The following PACS2 variants were observed in gnomAD, a reference collection of about 807,000 sequenced individuals.
The protein encoded by PACS2 is phosphofurin acidic cluster sorting protein 2.
PACS2 carries 36 observed loss-of-function variants against 113.0 expected under a neutral mutation model. That is an observed-to-expected ratio of 0.32 (90% CI 0.24 to 0.42). The LOEUF is 0.42. PACS2 is among the 10% of genes least tolerant of loss of function. The pLI is 1.00. For missense variants in PACS2, 1,015 were observed against 1,239.5 expected, an observed-to-expected ratio of 0.82 and a Z score of 2.72; for synonymous variants, 589 against 536.1, an observed-to-expected ratio of 1.10 and a Z score of -1.36.
At chr14:105,362,167 C>T (rs1274986431) in intron 4 of PACS2, among the ~76,000 whole-genome samples, 1 of 151,864 alleles carries the variant, frequency 6.6e-6, no homozygotes, top group Non-Finnish European at 1.5e-5. Flanking sequence ...GCCTGTCATC[C>T]CAGCACTTTG....
chr14:105,379,970 T>A (rs918208415), intron 10 of PACS2, 110 bp from the exon 11 acceptor site: 12 of 1,308,332 alleles, frequency 9.2e-6, no homozygotes, highest in African/African-American at 4.4e-5. Flanking sequence ...TCCAGCACAC[T>A]GCCACGCAGG....
Position 105,314,973 on chromosome 14 carries a change from C to A in PACS2, c.55C>A (p.Pro19Thr). Residue 19 changes from proline to threonine, a missense_variant, in exon 1 of 25, where the codon CCC becomes ACC. Physicochemically the swap from Pro to Thr is conservative, Grantham distance 38. This residue lies in a region of PACS2 where 140 missense variants were observed against 135.1 expected (regional missense o/e 1.04). Coordinates refer to ENST00000447393, the MANE Select transcript of PACS2 (RefSeq NM_001100913.3). ...LPGAPGALNT[P>T]VPMNLFATWE... Reference sequence around the variant, plus strand: ...CGGCGCGCCCGGCGCGCTCAACACGCCCGTGCCCATGAACCTGTTCGCCAC... The same window carrying A: ...CGGCGCGCCCGGCGCGCTCAACACGACCGTGCCCATGAACCTGTTCGCCAC... 1 of 1,241,604 alleles carries A rather than the reference C, an allele frequency of 8.1e-7. No homozygotes were observed. The allele number at this position is 1,241,604 out of a possible 1,614,324, so 76.9% of individuals were successfully genotyped here. A position where few individuals can be genotyped will look rare whatever the true frequency, so the allele number is the denominator to read the frequency against.
At position 105,323,768 on chromosome 14, in the gene PACS2, G is replaced by A. The variant is rs2058985380; in HGVS notation, c.119+8731G>A. Among the ~76,000 whole-genome samples, 1 of 152,212 alleles carries A rather than the reference G, an allele frequency of 6.6e-6. No individual in the cohort carries two copies. The highest frequency in any genetic ancestry group is 6.5e-5 in the Admixed American group (1 of 15,284). On this transcript the variant is annotated intron_variant, in intron 1 of 24. Transcript: ENST00000447393. The surrounding 1 kb of genome is among the most constrained non-coding windows in gnomAD (Gnocchi z 4.1). ...TGATCCAGGGAAGATGGGCTGCTCT[G>A]AGGGAGGGGCTGAGGAAGCTGACCT...
Position 105,398,115 on chromosome 14 carries a change from T to G in PACS2, c.*3443T>G, listed in dbSNP as rs1471763547. The G allele has an allele frequency of 6.6e-6, 1 of 152,212 alleles. No individual in the cohort carries two copies. The highest frequency in any genetic ancestry group is 1.5e-5 in the Non-Finnish European group (1 of 68,014). The allele number at this position is 152,212 out of a possible 1,614,324, so 9.4% of individuals were successfully genotyped here. A position where few individuals can be genotyped will look rare whatever the true frequency, so the allele number is the denominator to read the frequency against. On this transcript the variant is annotated 3_prime_UTR_variant, in exon 25 of 25. Coordinates refer to ENST00000447393, the MANE Select transcript of PACS2 (RefSeq NM_001100913.3). Reference sequence around the variant, plus strand: ...GACCGTGTGGACTATTTCAAGGTGCTGATGCAACACTAATAAACCTGGAGG... The same window carrying G: ...GACCGTGTGGACTATTTCAAGGTGCGGATGCAACACTAATAAACCTGGAGG...
At chr14:105,325,414 C>T (rs2140873973) in intron 1 of PACS2, among the ~76,000 whole-genome samples, 1 of 152,292 alleles carries the variant, frequency 6.6e-6, no homozygotes, top group South Asian at 2.1e-4. Flanking sequence ...ACATCCTGGG[C>T]CTTGCTTGGC....
rs1263738653 is a variant in PACS2 at position 105,380,495 on chromosome 14, A to T, written c.1125+341A>T. On this transcript the variant is annotated intron_variant, in intron 11 of 24. Transcript: ENST00000447393. Reference sequence around the variant, plus strand: ...CCACCCTCAGGGTCAGGGCAGCTGGACTCACCCCACCCTCAGGGTCAGGGC... The same window carrying T: ...CCACCCTCAGGGTCAGGGCAGCTGGTCTCACCCCACCCTCAGGGTCAGGGC... Among the ~76,000 whole-genome samples, 7 of 124,326 alleles carry T rather than the reference A, an allele frequency of 5.6e-5. No homozygotes were observed. The Admixed American group carries it at 5.8e-4, about 10-fold the overall frequency. The allele number at this position is 124,326 out of a possible 152,430, so 81.6% of individuals were successfully genotyped here. A position where few individuals can be genotyped will look rare whatever the true frequency, so the allele number is the denominator to read the frequency against.
Position 105,376,272 on chromosome 14 carries a change from C to T in PACS2, c.802-496C>T, listed in dbSNP as rs868908123. On this transcript the variant is annotated intron_variant, in intron 8 of 24. Coordinates refer to ENST00000447393, the MANE Select transcript of PACS2 (RefSeq NM_001100913.3). This position sits in a 1 kb window ranked among gnomAD's most constrained non-coding sequence, Gnocchi z 4.7. ...GCTGGGTGGATGACGCCCTCCTCCC[C>T]CCGCCACCGAGAGCTGCAGGCCACA... 6.8e-6 allele frequency among the ~76,000 whole-genome samples: 1 copy of T among 147,696 alleles called. No individual in the cohort carries two copies. Among genetic ancestry groups the T allele is most frequent in the African/African-American group, 2.5e-5 (1 of 39,652 alleles).
chr14:105,376,260 C>T lies in PACS2; in HGVS notation c.802-508C>T, dbSNP rs4073352. On this transcript the variant is annotated intron_variant, in intron 8 of 24. Transcript: ENST00000447393. The surrounding 1 kb of genome is among the most constrained non-coding windows in gnomAD (Gnocchi z 4.7). The stretch of plus-strand genomic sequence containing the variant: ...GAAGTGTGCCACGCTGGGTGGATGA[C>T]GCCCTCCTCCCCCCGCCACCGAGAG... Among the ~76,000 whole-genome samples the T allele has an allele frequency of 0.052, 7,373 of 141,890 alleles. 616 individuals are homozygous for T. The highest frequency in any genetic ancestry group is 0.18 in the African/African-American group (7,027 of 38,406). The allele number at this position is 141,890 out of a possible 152,430, so 93.1% of individuals were successfully genotyped here. A position where few individuals can be genotyped will look rare whatever the true frequency, so the allele number is the denominator to read the frequency against.
Position 105,393,243 on chromosome 14 carries a change from C to T in PACS2, c.2504C>T (p.Ala835Val), listed in dbSNP as rs587742490. 8.7e-6 allele frequency: 14 copies of T among 1,612,626 alleles called. No individual in the cohort carries two copies. Among genetic ancestry groups the T allele is most frequent in the East Asian group, 2.2e-5 (1 of 44,882 alleles). Residue 835 changes from alanine (A) to valine (V), a missense_variant, in exon 24 of 25, where the codon GCG becomes GTG. Ala to Val is a moderately conservative substitution (Grantham distance 64). Coordinates refer to ENST00000447393, the MANE Select transcript of PACS2 (RefSeq NM_001100913.3). ...CCAGTGATGTTTCTGCCCAAGAAAGCGAAGGACAAGGACGTGGAGTCTAAG... is the reference window on the plus strand; with the variant it reads ...CCAGTGATGTTTCTGCCCAAGAAAGTGAAGGACAAGGACGTGGAGTCTAAG... Reference protein sequence around the residue: ...NKKVMFLPKKAKDKDVESKSQ... With the variant: ...NKKVMFLPKKVKDKDVESKSQ...
chr14:105,344,970 G>A (rs1400694719), intron 1 of PACS2, among the ~76,000 whole-genome samples: 1 of 152,084 alleles, frequency 6.6e-6, no homozygotes, highest in East Asian at 1.9e-4. Flanking sequence ...TTAGCTGGGC[G>A]TGGTAGTGCA....
At position 105,314,902 on chromosome 14, in the gene PACS2, G is replaced by A; in HGVS notation, c.-17G>A. 2.0e-6 allele frequency: 2 copies of A among 985,258 alleles called. No individual in the cohort carries two copies. Among genetic ancestry groups the A allele is most frequent in the Non-Finnish European group, 2.4e-6 (2 of 831,120 alleles). 61.0% of individuals were successfully genotyped at this position (985,258 alleles called of 1,614,324 possible). On this transcript the variant is annotated 5_prime_UTR_variant, in exon 1 of 25. Transcript: ENST00000447393. ...GCCGCAGCCCCAGGCCGCCGAGGGAGCGGCGGGGCCGGCGCCATGGCCGAG... is the reference window on the plus strand; with the variant it reads ...GCCGCAGCCCCAGGCCGCCGAGGGAACGGCGGGGCCGGCGCCATGGCCGAG...
intron 1 of PACS2, among the ~76,000 whole-genome samples, chr14:105,322,916 T>G (rs1378331022): frequency 6.6e-6 from 1 of 152,256 alleles, no homozygotes; most frequent in Non-Finnish European, 1.5e-5. Context: ...TGTTTTAGTT[T>G]ACCCTCACCC....
chr14:105,320,721 T>G (rs1387992539), intron 1 of PACS2, among the ~76,000 whole-genome samples: 2 of 152,234 alleles, frequency 1.3e-5, no homozygotes, highest in Non-Finnish European at 2.9e-5. Context: ...TCCTTTCTTC[T>G]GTAGTCCTTA....
chr14:105,318,760 A>G lies in PACS2; in HGVS notation c.119+3723A>G, dbSNP rs1377330751. Among the ~76,000 whole-genome samples the G allele has an allele frequency of 4.8e-5, 7 of 145,614 alleles. No homozygotes were observed. The East Asian group carries it at 1.0e-3, about 21-fold the overall frequency. ...TGCAAGCTCCGCCTCCTGGGTTCAC[A>G]CCATTCTCCTGCCTCAGCCTCCCGA... On this transcript the variant is annotated intron_variant, in intron 1 of 24. Transcript: ENST00000447393.
rs1370749317 is a variant in PACS2 at position 105,384,171 on chromosome 14, G to A, written c.1781-182G>A. 7 of 577,374 alleles carry A rather than the reference G, an allele frequency of 1.2e-5. No homozygotes were observed. In the Admixed American group the frequency reaches 2.1e-4, roughly 18 times the overall value. The allele number at this position is 577,374 out of a possible 1,614,324, so 35.8% of individuals were successfully genotyped here. On this transcript the variant is annotated intron_variant, in intron 16 of 24. Coordinates refer to ENST00000447393, the MANE Select transcript of PACS2 (RefSeq NM_001100913.3). ...GCTCAGGGCTGGAGCTCCTTCAGCG[G>A]GGCCACAGGCATCCACCAGGGAGGG...
At position 105,395,363 on chromosome 14, in the gene PACS2, C is replaced by G. The variant is rs1334242971; in HGVS notation, c.*691C>G. ...GCCTCACACCTTCCCCACTCTCAGGCTGTTCTTGAAACACCATGAGGCTTC... is the reference window on the plus strand; with the variant it reads ...GCCTCACACCTTCCCCACTCTCAGGGTGTTCTTGAAACACCATGAGGCTTC... On this transcript the variant is annotated 3_prime_UTR_variant, in exon 25 of 25. Coordinates refer to ENST00000447393, the MANE Select transcript of PACS2 (RefSeq NM_001100913.3). 6.6e-6 allele frequency: 1 copy of G among 151,820 alleles called. No individual in the cohort carries two copies. Among genetic ancestry groups the G allele is most frequent in the Non-Finnish European group, 1.5e-5 (1 of 68,038 alleles). The allele number at this position is 151,820 out of a possible 1,614,324, so 9.4% of individuals were successfully genotyped here. A position where few individuals can be genotyped will look rare whatever the true frequency, so the allele number is the denominator to read the frequency against.
At chr14:105,362,222 T>G (rs181538937) in intron 4 of PACS2, among the ~76,000 whole-genome samples, 9 of 150,174 alleles carry the variant, frequency 6.0e-5, no homozygotes, top group Admixed American at 1.3e-4. Context: ...ATCAAGACCA[T>G]CCTGGCTAAC....
intron 4 of PACS2, among the ~76,000 whole-genome samples, chr14:105,362,436 GAAA>G (rs1158824274): frequency 6.8e-6 from 1 of 146,182 alleles, no homozygotes; most frequent in East Asian, 2.0e-4. Context: ...AAAAAGAAAA[GAAA>G]AAAAAAGAAT....
At chr14:105,377,585 C>G (rs1053261507) in intron 9 of PACS2, among the ~76,000 whole-genome samples, 4 of 152,186 alleles carry the variant, frequency 2.6e-5, no homozygotes, top group Admixed American at 2.0e-4. Flanking sequence ...CTTGGTAGAC[C>G]TTTTGCTCTC....
Sources: allele counts gnomAD v4.1 joint callset (sites outside exome capture counted in the v4.1 genomes callset), GRCh38; gene constraint gnomAD v4.1.1; regional missense constraint gnomAD v4.1.1; non-coding constraint Gnocchi (gnomAD v3.1); transcripts MANE v1.5; gene names NCBI Gene and HGNC (gene_info 2026-07-23, HGNC 2026-07-21).